The following TMEM9 variants were observed in gnomAD, a reference collection of about 807,000 sequenced individuals.
TMEM9 encodes the protein transmembrane protein 9.
TMEM9 carries 13 observed loss-of-function variants against 22.8 expected under a neutral mutation model. That is an observed-to-expected ratio of 0.57 (90% CI 0.37 to 0.91). The LOEUF (loss-of-function observed/expected upper bound fraction) is 0.91. Ranked by LOEUF, TMEM9 falls within the 40% of genes least tolerant of loss-of-function variation. The probability of loss-of-function intolerance (pLI) is 0.01; values close to 1 mark genes in which losing one functional copy is unlikely to be tolerated. For missense variants in TMEM9, 182 were observed against 238.1 expected (o/e 0.76, Z 1.55); for synonymous variants, 88 against 93.0 (o/e 0.95, Z 0.31).
At chr1:201,162,832 G>T (rs2102293865) in intron 1 of TMEM9, among the ~76,000 whole-genome samples, 1 of 151,660 alleles carries the variant, frequency 6.6e-6, no homozygotes, top group South Asian at 2.1e-4. Flanking sequence ...ATGAAGGACT[G>T]GTATGTAATA....
chr1:201,164,748 C>G (rs1167079959), intron 1 of TMEM9, among the ~76,000 whole-genome samples: 2 of 152,124 alleles, frequency 1.3e-5, no homozygotes, highest in African/African-American at 4.8e-5. Context: ...AGGATCATTT[C>G]ACACAGTTGG....
intron 2 of TMEM9, among the ~76,000 whole-genome samples, chr1:201,150,854 C>A (rs1665368853): frequency 6.6e-6 from 1 of 152,156 alleles, no homozygotes; most frequent in Non-Finnish European, 1.5e-5. Context: ...GCAGGAGAGG[C>A]AGCACTGACC....
Position 201,135,780 on chromosome 1 carries a change from G to C in TMEM9, c.435C>G (p.Leu145=), listed in dbSNP as rs370470549. 5.6e-6 allele frequency: 9 copies of C among 1,612,012 alleles called. No homozygotes were observed. In the South Asian group the frequency reaches 8.8e-5, roughly 16 times the overall value. The change falls in exon 5 of 5, where the codon CTC becomes CTG. Residue 145 remains leucine, a synonymous_variant. Coordinates refer to ENST00000367330, the MANE Select transcript of TMEM9 (RefSeq NM_001288565.2). The part of the protein sequence containing the change: ...ARSMAAAAAS[L]GGPRANTVLE... ...GGACTGTGTTTGCTCGGGGTCCCCC[G>C]AGGGATGCAGCAGCTGCTGCCATAG... is the stretch of plus-strand genomic sequence containing the variant.
intron 1 of TMEM9, among the ~76,000 whole-genome samples, chr1:201,165,580 G>A (rs1245885806): frequency 1.3e-5 from 2 of 152,030 alleles, no homozygotes; most frequent in East Asian, 3.9e-4. Flanking sequence ...AGGATTACAG[G>A]TGTGCGCCAC....
chr1:201,163,229 G>A (rs372205704), intron 1 of TMEM9, among the ~76,000 whole-genome samples: 2 of 152,280 alleles, frequency 1.3e-5, no homozygotes, highest in South Asian at 2.1e-4. Context: ...TGAAGCTGCA[G>A]TGAACCATGG....
intron 2 of TMEM9, among the ~76,000 whole-genome samples, chr1:201,147,259 A>G (rs1237018444): frequency 3.9e-5 from 6 of 152,096 alleles, no homozygotes; most frequent in Non-Finnish European, 7.4e-5. Context: ...TACAGGAGTC[A>G]CTATGTGCAT....
At chr1:201,147,002 G>A (rs931918931) in intron 2 of TMEM9, 154 bp from the exon 3 acceptor site, 24 of 652,828 alleles carry the variant, frequency 3.7e-5, no homozygotes, top group Non-Finnish European at 6.3e-5. Context: ...AAAGGATTAG[G>A]CTGGCAGAAA....
At chr1:201,152,192 T>C (rs1372720626) in intron 1 of TMEM9, among the ~76,000 whole-genome samples, 1 of 151,530 alleles carries the variant, frequency 6.6e-6, no homozygotes, top group Non-Finnish European at 1.5e-5. Context: ...GTGTGTCCTC[T>C]ACCCCAGACC....
intron 4 of TMEM9, among the ~76,000 whole-genome samples, chr1:201,138,107 T>G (rs1299600866): frequency 2.6e-5 from 4 of 152,154 alleles, no homozygotes; most frequent in East Asian, 1.9e-4. Context: ...ATCTTTCTCA[T>G]GACAGGGCTC....
intron 4 of TMEM9, among the ~76,000 whole-genome samples, chr1:201,138,566 CG>C (rs1225283078): frequency 6.6e-6 from 1 of 152,120 alleles, no homozygotes; most frequent in African/African-American, 2.4e-5. Flanking sequence ...GGAGGGGAGG[CG>C]GGTGGAGCCC....
intron 3 of TMEM9, among the ~76,000 whole-genome samples, chr1:201,146,280 C>T (rs1664955536): frequency 6.6e-6 from 1 of 152,238 alleles, no homozygotes; most frequent in Non-Finnish European, 1.5e-5. Flanking sequence ...CAGCACCCAA[C>T]ACCCAGCCCT....
At chr1:201,163,290 TA>T (rs1665992920) in intron 1 of TMEM9, among the ~76,000 whole-genome samples, 1 of 147,838 alleles carries the variant, frequency 6.8e-6, no homozygotes, top group African/African-American at 2.5e-5. Flanking sequence ...CTATGTCAAA[TA>T]AAAAAATAAA....
chr1:201,147,839 T>C (rs1237392048), intron 2 of TMEM9, among the ~76,000 whole-genome samples: 2 of 152,214 alleles, frequency 1.3e-5, no homozygotes, highest in African/African-American at 4.8e-5. Flanking sequence ...GGCTGCTCTC[T>C]GAAGGAGCCA....
chr1:201,144,883 C>T (rs952447577), intron 3 of TMEM9: 1 of 152,324 alleles, frequency 6.6e-6, no homozygotes, highest in Non-Finnish European at 1.5e-5. Flanking sequence ...GACTTGCTGA[C>T]TCCCTCTCAA....
At chr1:201,153,792 A>G in intron 1 of TMEM9, 66 bp downstream of exon 1, 1 of 1,606,404 alleles carries the variant, frequency 6.2e-7, no homozygotes, top group East Asian at 2.3e-5. Context: ...CCTCTGAGTC[A>G]GCCCTGTAGA....
rs1048857954 is a variant in TMEM9 at position 201,135,608 on chromosome 1, G to C, written c.*55C>G. ...GAGAAGTAGCCCCCTGCTTTGTCCAGCCTGGAAGCTGGCAGCCATGGTGTT... is the reference window on the plus strand; with the variant it reads ...GAGAAGTAGCCCCCTGCTTTGTCCACCCTGGAAGCTGGCAGCCATGGTGTT... On this transcript the variant is annotated 3_prime_UTR_variant, in exon 5 of 5. Transcript: ENST00000367330. 1 of 1,516,854 alleles carries C rather than the reference G, an allele frequency of 6.6e-7. No individual in the cohort carries two copies. The highest frequency in any genetic ancestry group is 8.9e-7 in the Non-Finnish European group (1 of 1,127,292). 94.0% of individuals were successfully genotyped at this position (1,516,854 alleles called of 1,614,324 possible).
At chr1:201,157,338 T>C (rs1225392988), upstream of TMEM9, among the ~76,000 whole-genome samples, 1 of 152,264 alleles carries the variant, frequency 6.6e-6, no homozygotes, top group East Asian at 1.9e-4. Context: ...GTACATGTGC[T>C]AACAAAAAAG....
At chr1:201,143,075 C>T (rs1439273104) in intron 4 of TMEM9, among the ~76,000 whole-genome samples, 4 of 152,218 alleles carry the variant, frequency 2.6e-5, no homozygotes, top group Non-Finnish European at 5.9e-5. Context: ...TTGTTAACTG[C>T]ACTGGGCCTG....
intron 4 of TMEM9, among the ~76,000 whole-genome samples, chr1:201,136,346 G>A (rs1663984735): frequency 6.6e-6 from 1 of 152,186 alleles, no homozygotes; most frequent in Non-Finnish European, 1.5e-5. Context: ...CCAGGGGACA[G>A]GAAGAAGGCC....
Sources: allele counts gnomAD v4.1 joint callset (sites outside exome capture counted in the v4.1 genomes callset), GRCh38; gene constraint gnomAD v4.1.1; transcripts MANE v1.5; gene names NCBI Gene and HGNC (gene_info 2026-07-23, HGNC 2026-07-21).